UTS2B: variants seen among roughly 807,000 people sequenced by gnomAD.
UTS2B encodes urotensin-2B.
UTS2B carries 21 observed loss-of-function variants against 19.2 expected under a neutral mutation model. The observed-to-expected ratio is 1.09, with a 90% CI of 0.78 to 1.58. The LOEUF (loss-of-function observed/expected upper bound fraction) is 1.58. UTS2B is among the 40% of genes most tolerant of loss of function. The pLI, the probability that UTS2B is intolerant of heterozygous loss-of-function variation, is 0.00. For synonymous variants in UTS2B, 57 were observed against 50.2 expected, an observed-to-expected ratio of 1.14 and a Z score of -0.58; for missense variants, 138 against 130.3, an observed-to-expected ratio of 1.06 and a Z score of -0.29.
intron 5 of UTS2B, 61 bp from the exon 6 acceptor site, chr3:191,278,231 T>G (rs1227582624): frequency 1.1e-6 from 1 of 895,926 alleles, no homozygotes; most frequent in Non-Finnish European, 1.7e-6. Context: ...CTAATTAAAT[T>G]GGTCTTACAG....
intron 3 of UTS2B, among the ~76,000 whole-genome samples, chr3:191,312,389 T>C (rs1717327686): frequency 6.6e-6 from 1 of 152,216 alleles, no homozygotes; most frequent in Non-Finnish European, 1.5e-5. Flanking sequence ...ATGGTCTTTA[T>C]GTTGGGCTGT....
the UTS2B span, among the ~76,000 whole-genome samples, chr3:191,345,748 AT>A: frequency 1.3e-4 from 20 of 152,174 alleles, no homozygotes; most frequent in Middle Eastern, 0.01. Context: ...AGAAAAAAAA[AT>A]AACTCAGGAA....
chr3:191,270,577 T>A (rs1261598518), intron 8 of UTS2B, among the ~76,000 whole-genome samples: 2 of 152,208 alleles, frequency 1.3e-5, no homozygotes, highest in Non-Finnish European at 2.9e-5. Context: ...TCATTCTAGC[T>A]GATATACCAA....
chr3:191,281,962 G>C (rs1716398553), intron 5 of UTS2B, 125 bp downstream of exon 5: 1 of 698,902 alleles, frequency 1.4e-6, no homozygotes. Flanking sequence ...AGGGAGATTT[G>C]GCTATTAAAT....
rs1039917169 is a variant in UTS2B, at chr3:191,309,472, C to T, written c.-181-4924G>A. On this transcript the variant is annotated intron_variant, in intron 3 of 8. Transcript: ENST00000340524. Reference sequence around the variant, plus strand: ...ACAGGCGTGAGCCACCTCGCCTGGCCTCTTTGTTTTAGACTATGTTTTCAA... The same window carrying T: ...ACAGGCGTGAGCCACCTCGCCTGGCTTCTTTGTTTTAGACTATGTTTTCAA... 8.5e-5 allele frequency among the ~76,000 whole-genome samples: 13 copies of T among 152,134 alleles called. 1 individual carries two copies. Among genetic ancestry groups the T allele is most frequent in the African/African-American group, 2.7e-4 (11 of 41,428 alleles).
chr3:191,270,418 A>G (rs1716055934), intron 8 of UTS2B, among the ~76,000 whole-genome samples: 3 of 152,238 alleles, frequency 2.0e-5, no homozygotes, highest in Admixed American at 6.5e-5. Context: ...GGCTGGTCTC[A>G]GACGATTGGG....
intron 4 of UTS2B, among the ~76,000 whole-genome samples, chr3:191,293,044 T>A (rs1716761244): frequency 6.6e-6 from 1 of 152,204 alleles, no homozygotes; most frequent in South Asian, 2.1e-4. Flanking sequence ...ATTCTGTTAA[T>A]ATGTTGTATA....
chr3:191,268,570 A>G, intron 8 of UTS2B, 129 bp from the exon 9 acceptor site: 1 of 592,386 alleles, frequency 1.7e-6, no homozygotes, highest in Admixed American at 3.3e-5. Context: ...TATTGTAGCT[A>G]CTAGCCTCAT....
intron 8 of UTS2B, among the ~76,000 whole-genome samples, chr3:191,271,832 A>G (rs1464035786): frequency 6.6e-6 from 1 of 152,226 alleles, no homozygotes; most frequent in South Asian, 2.1e-4. Flanking sequence ...CACTAACTTC[A>G]GATTCATACA....
chr3:191,329,938 T>C (rs983401207), intron 1 of UTS2B, among the ~76,000 whole-genome samples: 1 of 5,518 alleles, frequency 1.8e-4, no homozygotes. Context: ...CTCAAGGGGG[T>C]GGTTGGGGGG....
chr3:191,340,310 A>G, the UTS2B span, among the ~76,000 whole-genome samples: 1 of 152,238 alleles, frequency 6.6e-6, no homozygotes, highest in Non-Finnish European at 1.5e-5. Context: ...CTTATATACT[A>G]TCATAAAGTC....
chr3:191,337,715 A>T, the UTS2B span, among the ~76,000 whole-genome samples: 1 of 152,140 alleles, frequency 6.6e-6, no homozygotes, highest in African/African-American at 2.4e-5. Flanking sequence ...ATGTAGGTAG[A>T]AATCTTATGT....
intron 8 of UTS2B, among the ~76,000 whole-genome samples, chr3:191,270,513 A>T (rs9878833): frequency 0.5 from 75,518 of 152,024 alleles, 19,834 homozygotes; most frequent in Non-Finnish European, 0.59. Context: ...AACATGTTGT[A>T]ATATCTACTT....
chr3:191,345,812 CT>C, the UTS2B span, among the ~76,000 whole-genome samples: 2 of 152,098 alleles, frequency 1.3e-5, no homozygotes, highest in Non-Finnish European at 2.9e-5. Context: ...ATCAGTTTTA[CT>C]TTTCAGAATG....
chr3:191,296,152 T>C (rs1322025387), intron 4 of UTS2B, among the ~76,000 whole-genome samples: 1 of 152,154 alleles, frequency 6.6e-6, no homozygotes, highest in Non-Finnish European at 1.5e-5. Flanking sequence ...CTTTTCACAA[T>C]TCAACCACAA....
chr3:191,289,458 C>CAAAT (rs1379651257), intron 4 of UTS2B, among the ~76,000 whole-genome samples: 1 of 146,158 alleles, frequency 6.8e-6, no homozygotes, highest in African/African-American at 2.6e-5. Flanking sequence ...AAAAAACAAA[C>CAAAT]GAAATTAATA....
In UTS2B at chr3:191,289,385, G is replaced by C. The variant is rs1716647524; in HGVS notation, c.-124-7072C>G. ...GATTGCGCCACTGCACTCCGGCCTGGGCAACAGACCAAGACTCCATCTCAA... is the reference window on the plus strand; with the variant it reads ...GATTGCGCCACTGCACTCCGGCCTGCGCAACAGACCAAGACTCCATCTCAA... On this transcript the variant is annotated intron_variant, in intron 4 of 8. Transcript: ENST00000340524. Among the ~76,000 whole-genome samples, 7 of 148,242 alleles carry C rather than the reference G, an allele frequency of 4.7e-5. No individual in the cohort carries two copies. In the South Asian group the frequency reaches 1.5e-3, roughly 32 times the overall value.
chr3:191,307,188 T>C (rs1313580693), intron 3 of UTS2B, among the ~76,000 whole-genome samples: 2 of 152,208 alleles, frequency 1.3e-5, no homozygotes, highest in Non-Finnish European at 2.9e-5. Flanking sequence ...GCTCTGTTCC[T>C]AGCACTCTGT....
chr3:191,302,026 G>A (rs1368988892), intron 4 of UTS2B, among the ~76,000 whole-genome samples: 2 of 152,116 alleles, frequency 1.3e-5, no homozygotes, highest in African/African-American at 4.8e-5. Context: ...AGGGGGTTAG[G>A]CATTCTTAGT....
Sources: allele counts gnomAD v4.1 joint callset (sites outside exome capture counted in the v4.1 genomes callset), GRCh38; gene constraint gnomAD v4.1.1; transcripts MANE v1.5; gene names NCBI Gene and HGNC (gene_info 2026-07-23, HGNC 2026-07-21).